SEMA6D: variants seen among roughly 807,000 people sequenced by gnomAD.
SEMA6D encodes semaphorin-6D.
SEMA6D carries 35 observed loss-of-function variants against 106.6 expected under a neutral mutation model. That is an observed-to-expected ratio of 0.33 (90% confidence interval 0.25 to 0.44). The LOEUF is 0.44. Ranked by LOEUF, SEMA6D falls within the 20% of genes least tolerant of loss-of-function variation. The pLI is 1.00. For synonymous variants in SEMA6D, 499 were observed against 487.7 expected, an observed-to-expected ratio of 1.02 and a Z score of -0.31; for missense variants, 1,185 against 1,345.9, an observed-to-expected ratio of 0.88 and a Z score of 1.87.
intron 1 of SEMA6D, among the ~76,000 whole-genome samples, chr15:47,244,945 A>G (rs896504278): frequency 5.3e-5 from 8 of 152,066 alleles, no homozygotes; most frequent in African/African-American, 1.4e-4. Flanking sequence ...GAGAACATGC[A>G]ATATTTGGTT....
At chr15:47,424,318 G>A (rs2041263472) in intron 2 of SEMA6D, among the ~76,000 whole-genome samples, 1 of 151,580 alleles carries the variant, frequency 6.6e-6, no homozygotes, top group Non-Finnish European at 1.5e-5. Flanking sequence ...ATACAGAGCC[G>A]TAAGATATTG....
At chr15:47,639,704 G>A (rs926083974) in intron 4 of SEMA6D, among the ~76,000 whole-genome samples, 10 of 152,182 alleles carry the variant, frequency 6.6e-5, no homozygotes, top group African/African-American at 2.4e-4. Flanking sequence ...GATGAAAATG[G>A]CACTGTACTT....
chr15:47,471,785 C>T (rs2042846621), intron 3 of SEMA6D, among the ~76,000 whole-genome samples: 1 of 152,020 alleles, frequency 6.6e-6, no homozygotes, highest in African/African-American at 2.4e-5. Flanking sequence ...CGAGGCATGT[C>T]TATGAAAGAA....
chr15:47,266,174 C>T (rs1191303871), intron 1 of SEMA6D, among the ~76,000 whole-genome samples: 1 of 152,146 alleles, frequency 6.6e-6, no homozygotes, highest in Non-Finnish European at 1.5e-5. Context: ...TTGCCTATCT[C>T]TCCAATGAAT....
rs766660850 is a variant in SEMA6D, at chr15:47,771,337, G to C, written c.2774G>C (p.Arg925Pro). 2.5e-6 allele frequency: 4 copies of C among 1,613,748 alleles called. No individual in the cohort carries two copies. Among genetic ancestry groups the C allele is most frequent in the Non-Finnish European group, 3.4e-6 (4 of 1,179,956 alleles). Reference protein sequence around the residue: ...MSEVPPKVPNREASLYSPPST... With the variant: ...MSEVPPKVPNPEASLYSPPST... ...GAGGTCCCACCTAAAGTCCCTAACCGGGAGGCATCGCTATACTCCCCTCCT... is the reference window on the plus strand; with the variant it reads ...GAGGTCCCACCTAAAGTCCCTAACCCGGAGGCATCGCTATACTCCCCTCCT... The change falls in exon 19 of 19, where the codon CGG (arginine) becomes CCG (proline). Residue 925 changes from arginine (R) to proline (P), a missense_variant. Physicochemically the swap from Arg to Pro is moderately radical, Grantham distance 103. Around this residue, in one of 3 missense-constraint regions of SEMA6D, gnomAD observed 750 missense variants for 783.5 expected, o/e 0.96. Transcript: ENST00000536845.
intron 3 of SEMA6D, among the ~76,000 whole-genome samples, chr15:47,482,317 A>G (rs2043174934): frequency 6.6e-6 from 1 of 152,196 alleles, no homozygotes; most frequent in South Asian, 2.1e-4. Flanking sequence ...GGGGTTTGCT[A>G]CATTAAATGT....
chr15:47,328,285 G>T (rs1368531336), intron 1 of SEMA6D, among the ~76,000 whole-genome samples: 2 of 152,164 alleles, frequency 1.3e-5, no homozygotes, highest in Non-Finnish European at 1.5e-5. Context: ...CCAAGTTGAC[G>T]TGAATTCTAA....
At chr15:47,305,809 C>T (rs1482075462) in intron 1 of SEMA6D, among the ~76,000 whole-genome samples, 1 of 152,190 alleles carries the variant, frequency 6.6e-6, no homozygotes, top group Non-Finnish European at 1.5e-5. Flanking sequence ...GCCAGCAAGG[C>T]AGCCAAGATA....
intron 1 of SEMA6D, among the ~76,000 whole-genome samples, chr15:47,259,353 A>G (rs926702071): frequency 6.6e-6 from 1 of 152,192 alleles, no homozygotes; most frequent in Non-Finnish European, 1.5e-5. Context: ...ATGTCTGCTC[A>G]TGACAAATTG....
chr15:47,308,039 T>TA (rs2036298090), intron 1 of SEMA6D, among the ~76,000 whole-genome samples: 1 of 151,910 alleles, frequency 6.6e-6, no homozygotes, highest in African/African-American at 2.4e-5. Flanking sequence ...GGCTATTTTT[T>TA]TTTTTTTTAC....
intron 1 of SEMA6D, among the ~76,000 whole-genome samples, chr15:47,252,659 G>A (rs1469784372): frequency 6.6e-6 from 1 of 152,084 alleles, no homozygotes; most frequent in Non-Finnish European, 1.5e-5. Flanking sequence ...TGGTCTTTCT[G>A]TGTCTGACTT....
chr15:47,206,276 A>G (rs1895055024), intron 1 of SEMA6D, among the ~76,000 whole-genome samples: 1 of 152,180 alleles, frequency 6.6e-6, no homozygotes, highest in African/African-American at 2.4e-5. Flanking sequence ...TTTGGCATGC[A>G]TATGGAATCT....
chr15:47,224,184 A>T (rs1231206686), intron 1 of SEMA6D, among the ~76,000 whole-genome samples: 1 of 151,724 alleles, frequency 6.6e-6, no homozygotes, highest in South Asian at 2.1e-4. Flanking sequence ...ATAATAAAAT[A>T]AAATTAAATT....
At chr15:47,602,330 A>G (rs2076679527) in intron 4 of SEMA6D, among the ~76,000 whole-genome samples, 1 of 152,168 alleles carries the variant, frequency 6.6e-6, no homozygotes, top group Non-Finnish European at 1.5e-5. Flanking sequence ...GGTAATTACA[A>G]TTGTCACCGT....
intron 8 of SEMA6D, 78 bp downstream of exon 8, chr15:47,762,397 G>T: frequency 6.6e-7 from 1 of 1,512,742 alleles, no homozygotes; most frequent in East Asian, 2.3e-5. Context: ...CGGCCATCAA[G>T]AGGTTCAGCG....
At chr15:47,701,724 C>T (rs537882729) in intron 4 of SEMA6D, among the ~76,000 whole-genome samples, 5 of 152,110 alleles carry the variant, frequency 3.3e-5, no homozygotes, top group African/African-American at 9.7e-5. Context: ...TGTAGCATAG[C>T]GAAAATTTCC....
chr15:47,404,675 G>A (rs991908394), intron 1 of SEMA6D, among the ~76,000 whole-genome samples: 2 of 152,128 alleles, frequency 1.3e-5, no homozygotes, highest in Admixed American at 6.5e-5. Flanking sequence ...TTTTTCTCCA[G>A]TATCATCACT....
At chr15:47,621,016 G>T (rs1566940371) in intron 4 of SEMA6D, among the ~76,000 whole-genome samples, 1 of 152,052 alleles carries the variant, frequency 6.6e-6, no homozygotes, top group Non-Finnish European at 1.5e-5. Context: ...AAAAAACCCT[G>T]TGTTGCATAC....
chr15:47,561,566 T>C (rs2046081398), intron 3 of SEMA6D, among the ~76,000 whole-genome samples: 1 of 151,516 alleles, frequency 6.6e-6, no homozygotes, highest in South Asian at 2.1e-4. Context: ...CAGGATATTT[T>C]AAATATAGGT....
Sources: allele counts gnomAD v4.1 joint callset (sites outside exome capture counted in the v4.1 genomes callset), GRCh38; gene constraint gnomAD v4.1.1; regional missense constraint gnomAD v4.1.1; transcripts MANE v1.5; gene names NCBI Gene and HGNC (gene_info 2026-07-23, HGNC 2026-07-21).